NBEA: variants seen among roughly 807,000 people sequenced by gnomAD.
NBEA encodes neurobeachin.
Under a neutral mutation model 343.4 loss-of-function variants are expected in NBEA, and 44 were observed. That is an observed-to-expected ratio of 0.13 (90% CI 0.10 to 0.16). NBEA has a LOEUF of 0.16. NBEA is among the 10% of genes least tolerant of loss of function. The pLI, the probability that NBEA is intolerant of heterozygous loss-of-function variation, is 1.00. For missense variants in NBEA, 2,555 were observed against 3,631.3 expected (o/e 0.70, Z 7.62); for synonymous variants, 1,175 against 1,238.7 (o/e 0.95, Z 1.08).
intron 18 of NBEA, among the ~76,000 whole-genome samples, chr13:35,147,429 A>G (rs868789717): frequency 2.6e-5 from 4 of 152,170 alleles, no homozygotes; most frequent in Non-Finnish European, 1.5e-5. Flanking sequence ...CCCATTGGCT[A>G]CCTCCCTAAG....
chr13:34,950,942 G>A (rs1409104977), intron 1 of NBEA, among the ~76,000 whole-genome samples: 9 of 152,106 alleles, frequency 5.9e-5, no homozygotes, highest in Non-Finnish European at 1.0e-4. Context: ...CTGTGATCAC[G>A]TCACTGCATT....
intron 8 of NBEA, among the ~76,000 whole-genome samples, chr13:35,064,868 A>G (rs118052958): frequency 0.046 from 6,911 of 151,646 alleles, 234 homozygotes; most frequent in Non-Finnish European, 0.067. Context: ...GCTGACACCC[A>G]TATGTCAGAT....
chr13:34,999,662 T>C (rs1016243390), intron 1 of NBEA, among the ~76,000 whole-genome samples: 7 of 152,152 alleles, frequency 4.6e-5, no homozygotes, highest in African/African-American at 1.7e-4. Context: ...CTGTGATTTT[T>C]TTTCTTTTTT....
chr13:35,277,165 A>G (rs1170450119), intron 34 of NBEA, among the ~76,000 whole-genome samples: 1 of 152,136 alleles, frequency 6.6e-6, no homozygotes, highest in African/African-American at 2.4e-5. Context: ...GTTTCCAACT[A>G]TATTCTTAAA....
At chr13:35,441,831 GAAA>G (rs34357028) in intron 39 of NBEA, among the ~76,000 whole-genome samples, 4 of 120,016 alleles carry the variant, frequency 3.3e-5, no homozygotes, top group Admixed American at 1.8e-4. Context: ...TGCTAGATGT[GAAA>G]AAAAAAAAAA....
intron 41 of NBEA, among the ~76,000 whole-genome samples, chr13:35,496,334 A>G (rs959412454): frequency 4.0e-5 from 6 of 151,888 alleles, no homozygotes; most frequent in East Asian, 1.9e-4. Context: ...TTAAAGTCCT[A>G]TGTAGAAAAG....
chr13:35,606,747 C>A (rs2082296972), intron 48 of NBEA, among the ~76,000 whole-genome samples, 169 bp downstream of exon 48: 1 of 152,140 alleles, frequency 6.6e-6, no homozygotes. Flanking sequence ...GTCTTGACAG[C>A]ATTCCTTATT....
At chr13:35,471,705 T>C (rs1488811877) in intron 40 of NBEA, among the ~76,000 whole-genome samples, 1 of 152,218 alleles carries the variant, frequency 6.6e-6, no homozygotes, top group African/African-American at 2.4e-5. Context: ...AGTAGCACTT[T>C]CGCACGGTTT....
chr13:35,049,515 T>C (rs1265140430), intron 5 of NBEA, among the ~76,000 whole-genome samples: 2 of 151,788 alleles, frequency 1.3e-5, no homozygotes, highest in African/African-American at 4.8e-5. Flanking sequence ...AACACAGAAA[T>C]ATGTGAGCTA....
At chr13:35,575,188 C>T (rs1252137905) in intron 45 of NBEA, among the ~76,000 whole-genome samples, 2 of 152,114 alleles carry the variant, frequency 1.3e-5, no homozygotes, top group East Asian at 1.9e-4. Context: ...TCTTTATTAT[C>T]GTTTCATGAC....
chr13:35,617,002 G>C (rs976138016), intron 48 of NBEA, among the ~76,000 whole-genome samples: 3 of 152,188 alleles, frequency 2.0e-5, no homozygotes, highest in African/African-American at 4.8e-5. Flanking sequence ...ATGTAATTCA[G>C]TGAAGCCACT....
intron 38 of NBEA, among the ~76,000 whole-genome samples, chr13:35,406,426 A>T (rs1278260574): frequency 6.6e-6 from 1 of 151,736 alleles, no homozygotes; most frequent in Admixed American, 6.6e-5. Context: ...TGTACACTGT[A>T]CCCAATTTGT....
At position 35,550,879 on chromosome 13, in the gene NBEA, C is replaced by T; in HGVS notation, c.6704-51C>T. ...TGAAGATGACTTGTAAAATTGATGG[C>T]TAACTTATCCTGCGGTTTTCTAAAC... On this transcript the variant is annotated intron_variant, in intron 42 of 58. Transcript: ENST00000379939. 1.4e-5 allele frequency: 16 copies of T among 1,139,292 alleles called. No individual in the cohort carries two copies. The South Asian group carries it at 1.5e-4, about 11-fold the overall frequency. 70.6% of individuals were successfully genotyped at this position (1,139,292 alleles called of 1,614,324 possible).
At chr13:34,952,378 AC>A (rs1231575470) in intron 1 of NBEA, among the ~76,000 whole-genome samples, 1 of 152,184 alleles carries the variant, frequency 6.6e-6, no homozygotes, top group Non-Finnish European at 1.5e-5. Context: ...CAAGAACTGT[AC>A]CATGAGTTAT....
chr13:35,112,020 C>T (rs1358928585), intron 13 of NBEA, among the ~76,000 whole-genome samples: 8 of 149,862 alleles, frequency 5.3e-5, no homozygotes, highest in African/African-American at 9.8e-5. Flanking sequence ...GGGTTCATGC[C>T]GTTCTCCTGC....
At chr13:35,271,883 G>T (rs77473920) in intron 34 of NBEA, among the ~76,000 whole-genome samples, 1 of 152,192 alleles carries the variant, frequency 6.6e-6, no homozygotes, top group Non-Finnish European at 1.5e-5. Flanking sequence ...CGCTTGATTG[G>T]TGTATGTGAA....
intron 34 of NBEA, among the ~76,000 whole-genome samples, chr13:35,289,776 T>C (rs1186865644): frequency 6.6e-6 from 1 of 151,890 alleles, no homozygotes; most frequent in Non-Finnish European, 1.5e-5. Context: ...ATAGACATTA[T>C]TGCAATCAGG....
chr13:35,030,255 C>G (rs559938368), intron 1 of NBEA, among the ~76,000 whole-genome samples: 2 of 151,516 alleles, frequency 1.3e-5, no homozygotes, highest in East Asian at 3.9e-4. Context: ...AATCTTCTTT[C>G]TTGCTTTTAA....
intron 1 of NBEA, among the ~76,000 whole-genome samples, chr13:35,004,708 A>G (rs1347479131): frequency 6.6e-6 from 1 of 152,204 alleles, no homozygotes; most frequent in Non-Finnish European, 1.5e-5. Flanking sequence ...ACTTAATAAA[A>G]TGATCATAGT....
Sources: gnomAD v4.1 joint callset for allele counts (sites outside exome capture counted in the v4.1 genomes callset) on GRCh38, gnomAD v4.1.1 for gene constraint, MANE v1.5 for transcripts, NCBI Gene and HGNC (gene_info 2026-07-23, HGNC 2026-07-21) for gene names.